COP1: variants seen among roughly 807,000 people sequenced by gnomAD.
COP1 encodes the protein E3 ubiquitin-protein ligase COP1.
COP1 carries 24 observed loss-of-function variants against 101.3 expected under a neutral mutation model. The ratio of observed to expected loss-of-function variants is 0.24; its 90% confidence interval spans 0.17 to 0.33. The LOEUF is 0.33. Among genes scored for constraint, COP1 ranks in the 10% least tolerant of loss-of-function variants. COP1 has a pLI of 1.00. For synonymous variants in COP1, 347 were observed against 341.9 expected (o/e 1.01, Z -0.17); for missense variants, 663 against 906.2 (o/e 0.73, Z 3.45).
At chr1:176,041,603 T>A (rs901660034) in intron 14 of COP1, among the ~76,000 whole-genome samples, 4 of 151,620 alleles carry the variant, frequency 2.6e-5, no homozygotes, top group Non-Finnish European at 5.9e-5. Context: ...CCCGCCTCAA[T>A]CTCCCAAACA....
At chr1:176,166,125 A>T (rs542147944) in intron 3 of COP1, among the ~76,000 whole-genome samples, 8 of 152,112 alleles carry the variant, frequency 5.3e-5, no homozygotes, top group Non-Finnish European at 8.8e-5. Context: ...GTATTTATTT[A>T]TTTTATTTAT....
chr1:176,171,826 A>G (rs1419712596), intron 3 of COP1, among the ~76,000 whole-genome samples: 1 of 152,210 alleles, frequency 6.6e-6, no homozygotes, highest in African/African-American at 2.4e-5. Context: ...TAAGGATAAA[A>G]CTATGTGTGT....
chr1:176,005,560 C>T (rs891074618), intron 15 of COP1, among the ~76,000 whole-genome samples: 1 of 152,128 alleles, frequency 6.6e-6, no homozygotes, highest in African/African-American at 2.4e-5. Context: ...TGTCTTTGTT[C>T]TTGTTGTTTT....
intron 11 of COP1, among the ~76,000 whole-genome samples, chr1:176,049,142 G>T (rs1350298730): frequency 7.0e-6 from 1 of 142,066 alleles, no homozygotes; most frequent in Non-Finnish European, 1.5e-5. Flanking sequence ...ATTGCAGTCC[G>T]CAGTCCGGCC....
chr1:176,187,044 A>G (rs1698544197), intron 1 of COP1, among the ~76,000 whole-genome samples: 1 of 152,224 alleles, frequency 6.6e-6, no homozygotes, highest in African/African-American at 2.4e-5. Flanking sequence ...TAAAAGTTAC[A>G]GTACCTAAAA....
intron 9 of COP1, among the ~76,000 whole-genome samples, chr1:176,115,228 C>T (rs1468485794): frequency 1.3e-5 from 2 of 152,172 alleles, no homozygotes; most frequent in Non-Finnish European, 2.9e-5. Context: ...GTGGGTAGAT[C>T]ACCTGAGATC....
At chr1:176,076,835 T>A (rs1678119714) in intron 11 of COP1, among the ~76,000 whole-genome samples, 1 of 152,152 alleles carries the variant, frequency 6.6e-6, no homozygotes, top group Non-Finnish European at 1.5e-5. Flanking sequence ...GAGATTATTA[T>A]GAACATCTCT....
At chr1:176,120,739 T>G (rs1038817762) in intron 8 of COP1, among the ~76,000 whole-genome samples, 6 of 152,178 alleles carry the variant, frequency 3.9e-5, no homozygotes, top group African/African-American at 1.4e-4. Flanking sequence ...TAAGTCAATT[T>G]CACATATGAG....
intron 15 of COP1, among the ~76,000 whole-genome samples, chr1:175,997,824 T>G (rs1660559329): frequency 6.6e-6 from 1 of 152,074 alleles, no homozygotes. Flanking sequence ...GTTCAACCAT[T>G]GTGAAAGTCA....
Position 176,193,188 on chromosome 1 carries a change from T to C in COP1, c.408-8496A>G, listed in dbSNP as rs1442097419. On this transcript the variant is annotated intron_variant, in intron 1 of 19. Coordinates refer to ENST00000367669, the MANE Select transcript of COP1 (RefSeq NM_022457.7). ...CTCTTGAAAAGATGGTTAACCTCAC[T>C]AGTGAAAAGGGGAATGCAAATCAAA... Among the ~76,000 whole-genome samples, 3 of 152,122 alleles carry C rather than the reference T, an allele frequency of 2.0e-5. 1 individual carries two copies. In the South Asian group the frequency reaches 6.2e-4, roughly 31 times the overall value.
At chr1:176,016,483 A>G (rs891917244) in intron 15 of COP1, among the ~76,000 whole-genome samples, 1 of 152,192 alleles carries the variant, frequency 6.6e-6, no homozygotes, top group Non-Finnish European at 1.5e-5. Context: ...AAGAATTTCT[A>G]TGTAAGGGTA....
rs1297583268 is a variant in COP1 at position 176,055,290 on chromosome 1, C to T, written c.1278-8966G>A. ...CTCTACCAAAAATACAAAAAATTAG[C>T]TGTGCATGGTGGCAGGCACCTGTAA... is the stretch of plus-strand genomic sequence containing the variant. On this transcript the variant is annotated intron_variant, in intron 11 of 19. Coordinates refer to ENST00000367669, the MANE Select transcript of COP1 (RefSeq NM_022457.7). 2.0e-5 allele frequency among the ~76,000 whole-genome samples: 3 copies of T among 152,308 alleles called. No homozygotes were observed. In the East Asian group the frequency reaches 5.8e-4, roughly 29 times the overall value.
intron 5 of COP1, among the ~76,000 whole-genome samples, chr1:176,155,922 T>TA (rs1558221986): frequency 1.3e-5 from 2 of 151,780 alleles, no homozygotes; most frequent in African/African-American, 2.4e-5. Context: ...CAAGAAATAG[T>TA]AAAAAAGTTA....
intron 18 of COP1, among the ~76,000 whole-genome samples, chr1:175,981,231 G>T (rs556195445): frequency 3.8e-4 from 58 of 152,276 alleles, no homozygotes; most frequent in African/African-American, 1.4e-3. Flanking sequence ...ACTGTCTAGA[G>T]ATTTTCACTG....
chr1:176,002,577 A>G (rs1231541613), intron 15 of COP1, among the ~76,000 whole-genome samples: 2 of 138,496 alleles, frequency 1.4e-5, no homozygotes, highest in East Asian at 2.1e-4. Flanking sequence ...TCATTGTTCA[A>G]TTCCCACCTA....
intron 15 of COP1, among the ~76,000 whole-genome samples, chr1:176,007,330 T>G (rs1663531503): frequency 6.6e-6 from 1 of 152,228 alleles, no homozygotes. Context: ...GTCTGAAGCC[T>G]TCTTCTCTCA....
At chr1:176,198,464 G>C (rs1019166318) in intron 1 of COP1, among the ~76,000 whole-genome samples, 1 of 152,114 alleles carries the variant, frequency 6.6e-6, no homozygotes, top group Non-Finnish European at 1.5e-5. Flanking sequence ...AAACTAACTT[G>C]AAGTGGATCA....
At chr1:175,975,350 CA>C (rs1293541089) in intron 18 of COP1, among the ~76,000 whole-genome samples, 1 of 151,998 alleles carries the variant, frequency 6.6e-6, no homozygotes, top group Non-Finnish European at 1.5e-5. Flanking sequence ...CAAAGACTAA[CA>C]AAAAACCAAA....
intron 8 of COP1, among the ~76,000 whole-genome samples, chr1:176,127,308 T>G (rs982883940): frequency 6.6e-6 from 1 of 152,156 alleles, no homozygotes; most frequent in Non-Finnish European, 1.5e-5. Context: ...TGATTCTTCC[T>G]GTCTAACTAT....
Sources: gnomAD v4.1 joint callset for allele counts (sites outside exome capture counted in the v4.1 genomes callset) on GRCh38, gnomAD v4.1.1 for gene constraint, MANE v1.5 for transcripts, NCBI Gene and HGNC (gene_info 2026-07-23, HGNC 2026-07-21) for gene names.